Variants in SEMA3A observed in about 807,000 individuals in gnomAD.
The protein encoded by SEMA3A is semaphorin-3A.
SEMA3A carries 29 observed loss-of-function variants against 97.9 expected under a neutral mutation model. That is an observed-to-expected ratio of 0.30 (90% CI 0.22 to 0.40). SEMA3A has a LOEUF of 0.40. Among genes scored for constraint, SEMA3A ranks in the 10% least tolerant of loss-of-function variants. SEMA3A has a pLI of 1.00. For missense variants in SEMA3A, 763 were observed against 951.3 expected (o/e 0.80, Z 2.60); for synonymous variants, 321 against 323.7 (o/e 0.99, Z 0.09).
At chr7:84,186,002 C>T (rs951545155) in intron 1 of SEMA3A, among the ~76,000 whole-genome samples, 17 of 152,146 alleles carry the variant, frequency 1.1e-4, no homozygotes, top group African/African-American at 3.9e-4. Context: ...TAGACAACCA[C>T]GTATCAACTC....
At chr7:84,377,761 G>T (rs749595484) in intron 1 of SEMA3A, among the ~76,000 whole-genome samples, 51 of 152,124 alleles carry the variant, frequency 3.4e-4, no homozygotes, top group Non-Finnish European at 5.9e-5. Context: ...CATCATCAGA[G>T]AAATAATTTT....
chr7:84,382,768 C>T (rs1312762152), intron 1 of SEMA3A, among the ~76,000 whole-genome samples: 1 of 148,554 alleles, frequency 6.7e-6, no homozygotes, highest in Non-Finnish European at 1.5e-5. Flanking sequence ...GTTCCAGCTA[C>T]TCGGGAGGCT....
At chr7:83,993,139 C>T (rs1413987078) in intron 12 of SEMA3A, among the ~76,000 whole-genome samples, 1 of 141,556 alleles carries the variant, frequency 7.1e-6, no homozygotes, top group African/African-American at 2.7e-5. Context: ...AGGATTGCAA[C>T]CCCTGCCTTT....
chr7:84,047,287 A>G (rs1792393164), intron 5 of SEMA3A, among the ~76,000 whole-genome samples: 1 of 152,058 alleles, frequency 6.6e-6, no homozygotes, highest in South Asian at 2.1e-4. Flanking sequence ...AGGGGGTAAA[A>G]GAGAAGTTAA....
At chr7:84,004,901 A>T (rs528002600) in intron 11 of SEMA3A, among the ~76,000 whole-genome samples, 111 of 152,264 alleles carry the variant, frequency 7.3e-4, no homozygotes, top group African/African-American at 2.6e-3. Flanking sequence ...GTGTGGGTCC[A>T]CTTATATACA....
chr7:84,066,117 T>C (rs1201783851), intron 4 of SEMA3A, among the ~76,000 whole-genome samples: 1 of 151,590 alleles, frequency 6.6e-6, no homozygotes, highest in Non-Finnish European at 1.5e-5. Flanking sequence ...TGGTTTAATA[T>C]ACGCGAATCA....
intron 3 of SEMA3A, among the ~76,000 whole-genome samples, chr7:84,207,899 AG>A (rs1798527875): frequency 6.6e-6 from 1 of 152,184 alleles, no homozygotes; most frequent in Non-Finnish European, 1.5e-5. Context: ...TGAGACAGTG[AG>A]GAGATTGCAG....
chr7:84,122,726 T>G (rs905781761), intron 3 of SEMA3A, among the ~76,000 whole-genome samples: 5 of 152,212 alleles, frequency 3.3e-5, no homozygotes, highest in Non-Finnish European at 5.9e-5. Flanking sequence ...TGGAATGCAC[T>G]GTAACTTTAG....
chr7:84,062,570 C>T (rs1793274631), intron 4 of SEMA3A, among the ~76,000 whole-genome samples: 1 of 152,282 alleles, frequency 6.6e-6, no homozygotes, highest in African/African-American at 2.4e-5. Context: ...GCGCACCACG[C>T]GCGAGCCGAA....
chr7:84,319,232 C>T (rs1296807250), intron 2 of SEMA3A, among the ~76,000 whole-genome samples: 1 of 152,018 alleles, frequency 6.6e-6, no homozygotes. Context: ...TTAGGAGGTT[C>T]TGTGGCCTTT....
intron 3 of SEMA3A, among the ~76,000 whole-genome samples, chr7:84,121,124 C>A (rs768146812): frequency 1.6e-4 from 25 of 151,826 alleles, no homozygotes; most frequent in Non-Finnish European, 3.1e-4. Flanking sequence ...ACTCTGTTTC[C>A]CAAGACCATT....
chr7:84,262,485 A>G (rs1799882207), intron 3 of SEMA3A, among the ~76,000 whole-genome samples: 1 of 152,190 alleles, frequency 6.6e-6, no homozygotes, highest in South Asian at 2.1e-4. Flanking sequence ...AAAGGCTGGG[A>G]TTACAGGTGT....
At chr7:84,272,066 G>C (rs192866239) in intron 3 of SEMA3A, among the ~76,000 whole-genome samples, 3 of 152,000 alleles carry the variant, frequency 2.0e-5, no homozygotes, top group Admixed American at 2.0e-4. Context: ...AGTGTCTAGC[G>C]CCTTGCCTGG....
At chr7:84,036,588 G>C (rs1486666642) in intron 6 of SEMA3A, among the ~76,000 whole-genome samples, 2 of 151,984 alleles carry the variant, frequency 1.3e-5, no homozygotes, top group African/African-American at 4.8e-5. Context: ...AATGAGAGGA[G>C]AAGAGACTAG....
chr7:84,433,888 C>A (rs1366066267), intron 1 of SEMA3A, among the ~76,000 whole-genome samples: 1 of 152,050 alleles, frequency 6.6e-6, no homozygotes, highest in African/African-American at 2.4e-5. Flanking sequence ...TGAGAAGTGT[C>A]TGTTCATATT....
intron 2 of SEMA3A, among the ~76,000 whole-genome samples, chr7:84,334,643 T>A (rs1191549440): frequency 2.0e-5 from 3 of 149,862 alleles, no homozygotes; most frequent in Non-Finnish European, 3.0e-5. Context: ...TCCCCCAACC[T>A]GCTGCCTCCT....
chr7:84,459,773 A>G (rs1805776187), intron 1 of SEMA3A, among the ~76,000 whole-genome samples: 1 of 152,184 alleles, frequency 6.6e-6, no homozygotes, highest in Non-Finnish European at 1.5e-5. Flanking sequence ...CACACCTGTA[A>G]TCCCAGAACT....
chr7:83,984,405 T>C (rs1789543675), intron 13 of SEMA3A, among the ~76,000 whole-genome samples: 1 of 152,096 alleles, frequency 6.6e-6, no homozygotes. Flanking sequence ...TATTTTGATA[T>C]GTCTGTGTAG....
chr7:84,388,938 T>C (rs923286674), intron 1 of SEMA3A, among the ~76,000 whole-genome samples: 14 of 152,050 alleles, frequency 9.2e-5, no homozygotes, highest in Admixed American at 3.9e-4. Flanking sequence ...AATACTTGCT[T>C]ACTGTAATGA....
Sources: gnomAD v4.1 joint callset for allele counts (sites outside exome capture counted in the v4.1 genomes callset) on GRCh38, gnomAD v4.1.1 for gene constraint, MANE v1.5 for transcripts, NCBI Gene and HGNC (gene_info 2026-07-23, HGNC 2026-07-21) for gene names.